PLCG2: variants seen among roughly 807,000 people sequenced by gnomAD.
PLCG2 encodes phospholipase C gamma 2, also known as 1-phosphatidylinositol 4,5-bisphosphate phosphodiesterase gamma-2.
PLCG2 carries 69 observed loss-of-function variants against 175.6 expected under a neutral mutation model. The ratio of observed to expected loss-of-function variants is 0.39; its 90% CI spans 0.32 to 0.48. The LOEUF is 0.48. Ranked by LOEUF, PLCG2 falls within the 20% of genes least tolerant of loss-of-function variation. The pLI is 0.91. For synonymous variants in PLCG2, 827 were observed against 624.0 expected (o/e 1.33, Z -4.85); for missense variants, 1,798 against 1,650.9 (o/e 1.09, Z -1.54).
At chr16:81,902,407 G>C (rs575413816) in intron 14 of PLCG2, among the ~76,000 whole-genome samples, 2 of 152,324 alleles carry the variant, frequency 1.3e-5, no homozygotes, top group Middle Eastern at 3.4e-3. Flanking sequence ...CCTCTTCCAA[G>C]TTGTAGGCTG....
chr16:81,871,187 T>G (rs1301202757), intron 7 of PLCG2, among the ~76,000 whole-genome samples: 1 of 152,196 alleles, frequency 6.6e-6, no homozygotes, highest in Non-Finnish European at 1.5e-5. Context: ...CGAATGGCCA[T>G]AAGTTTGATT....
At chr16:81,857,828 C>G (rs1477979967) in intron 3 of PLCG2, 3 of 163,414 alleles carry the variant, frequency 1.8e-5, no homozygotes, top group African/African-American at 7.2e-5. Context: ...ATGACTGAAC[C>G]TGTCTTAGGT....
At chr16:81,846,971 A>T (rs959898127) in intron 2 of PLCG2, among the ~76,000 whole-genome samples, 6 of 152,146 alleles carry the variant, frequency 3.9e-5, no homozygotes, top group African/African-American at 1.4e-4. Flanking sequence ...TTCAATTCTG[A>T]TACTATCTAC....
chr16:81,812,257 G>C (rs1229894034), intron 2 of PLCG2, among the ~76,000 whole-genome samples: 1 of 151,894 alleles, frequency 6.6e-6, no homozygotes, highest in Non-Finnish European at 1.5e-5. Flanking sequence ...CACCGTGTTA[G>C]CCAGGATGGT....
At chr16:81,769,746 G>A (rs1910234384) in intron 2 of PLCG2, among the ~76,000 whole-genome samples, 1 of 146,810 alleles carries the variant, frequency 6.8e-6, no homozygotes, top group South Asian at 2.2e-4. Flanking sequence ...CGTGAACCCG[G>A]GAGGCGGAGC....
intron 13 of PLCG2, among the ~76,000 whole-genome samples, chr16:81,899,166 G>A (rs1392865742): frequency 3.3e-5 from 5 of 151,692 alleles, no homozygotes; most frequent in African/African-American, 1.2e-4. Flanking sequence ...TCCATCCCGG[G>A]CAATGAGTGA....
chr16:81,807,223 C>G (rs1412293581), intron 2 of PLCG2, among the ~76,000 whole-genome samples: 1 of 152,130 alleles, frequency 6.6e-6, no homozygotes, highest in African/African-American at 2.4e-5. Context: ...CAGCGGTGTC[C>G]TCCTCCTACA....
chr16:81,863,857 G>C (rs112947035), intron 5 of PLCG2, among the ~76,000 whole-genome samples: 2 of 152,320 alleles, frequency 1.3e-5, no homozygotes, highest in African/African-American at 4.8e-5. Flanking sequence ...GGTGGCAAAG[G>C]GTGAGGGGGT....
chr16:81,785,713 A>C (rs1410147625), intron 1 of PLCG2: 1 of 310,262 alleles, frequency 3.2e-6, no homozygotes, highest in Admixed American at 4.7e-5. Context: ...AGCCCACGTA[A>C]CGGTTGGGTC....
chr16:81,839,150 T>G (rs1378236332), intron 2 of PLCG2, among the ~76,000 whole-genome samples: 1 of 152,192 alleles, frequency 6.6e-6, no homozygotes, highest in African/African-American at 2.4e-5. Context: ...GTTTTCTTTT[T>G]GCCAAAAACA....
intron 15 of PLCG2, 88 bp downstream of exon 15, chr16:81,905,595 C>G (rs1419404477): frequency 1.0e-5 from 8 of 767,830 alleles, no homozygotes; most frequent in African/African-American, 1.7e-5. Flanking sequence ...GAGAATACGC[C>G]TGTCTTGTTC....
chr16:81,912,477 TG>T, intron 18 of PLCG2, 119 bp from the exon 19 acceptor site: 1 of 1,225,082 alleles, frequency 8.2e-7, no homozygotes, highest in Non-Finnish European at 1.1e-6. Context: ...GTGATTTCCA[TG>T]GTCGTTTCCA....
intron 2 of PLCG2, among the ~76,000 whole-genome samples, chr16:81,800,741 G>T (rs1259609428): frequency 6.6e-6 from 1 of 152,030 alleles, no homozygotes; most frequent in Non-Finnish European, 1.5e-5. Context: ...CTGCTCCCAA[G>T]ATGCCCTTGT....
chr16:81,755,923 C>T (rs1909915168), exon 2 of PLCG2: 1 of 152,318 alleles, frequency 6.6e-6, no homozygotes, highest in South Asian at 2.1e-4. Context: ...AAGAACATTC[C>T]ACGAAGTCCA....
intron 31 of PLCG2, among the ~76,000 whole-genome samples, chr16:81,955,687 C>CACTT (rs1460437876): frequency 6.6e-6 from 1 of 152,178 alleles, no homozygotes; most frequent in Non-Finnish European, 1.5e-5. Flanking sequence ...GACAGGACCA[C>CACTT]ACTTACTCTT....
chr16:81,790,749 C>G (rs907599387), intron 2 of PLCG2, among the ~76,000 whole-genome samples: 2 of 152,140 alleles, frequency 1.3e-5, no homozygotes, highest in African/African-American at 4.8e-5. Flanking sequence ...GTGTGGTTCT[C>G]AACCAGGGTG....
At chr16:81,756,785 T>A (rs1909938168) in intron 2 of PLCG2, among the ~76,000 whole-genome samples, 2 of 152,186 alleles carry the variant, frequency 1.3e-5, no homozygotes, top group Admixed American at 1.3e-4. Context: ...TGAGCCTAGA[T>A]GTGTCTACTG....
At chr16:81,743,004 C>T (rs1327652727) in intron 1 of PLCG2, among the ~76,000 whole-genome samples, 1 of 152,112 alleles carries the variant, frequency 6.6e-6, no homozygotes, top group African/African-American at 2.4e-5. Context: ...GTTTTATCGA[C>T]AGAAGAACCA....
At chr16:81,932,752 G>A (rs1366161258) in intron 25 of PLCG2, among the ~76,000 whole-genome samples, 1 of 152,218 alleles carries the variant, frequency 6.6e-6, no homozygotes, top group Non-Finnish European at 1.5e-5. Flanking sequence ...CCTCGCTGGT[G>A]GGGCATCGTC....
Sources: allele counts gnomAD v4.1 joint callset (sites outside exome capture counted in the v4.1 genomes callset), GRCh38; gene constraint gnomAD v4.1.1; transcripts MANE v1.5; gene names NCBI Gene and HGNC (gene_info 2026-07-23, HGNC 2026-07-21).